Variants in LAMB4 observed in about 807,000 individuals in gnomAD.
The protein encoded by LAMB4 is laminin subunit beta 4.
In LAMB4, 196 loss-of-function variants were observed where a neutral mutation model predicts 199.2. That is an observed-to-expected ratio of 0.98 (90% CI 0.88 to 1.11). The LOEUF (loss-of-function observed/expected upper bound fraction) is 1.11. LAMB4 is among the 50% of genes least tolerant of loss of function. LAMB4 has a pLI of 0.00. For missense variants in LAMB4, 2,080 were observed against 2,171.2 expected (o/e 0.96, Z 0.83); for synonymous variants, 744 against 770.6 (o/e 0.97, Z 0.57).
chr7:108,123,446 A>C (rs1045208003), intron 1 of LAMB4, among the ~76,000 whole-genome samples: 1 of 152,270 alleles, frequency 6.6e-6, no homozygotes, highest in African/African-American at 2.4e-5. Context: ...GGAAACAAAT[A>C]TAATTTCCTT....
At chr7:108,039,522 G>A (rs2035348109) in intron 29 of LAMB4, among the ~76,000 whole-genome samples, 1 of 148,116 alleles carries the variant, frequency 6.8e-6, no homozygotes, top group Admixed American at 6.8e-5. Flanking sequence ...AGGCTGGAGT[G>A]CAGTGGTGCG....
chr7:108,016,347 G>A, the LAMB4 span, among the ~76,000 whole-genome samples: 7 of 141,532 alleles, frequency 4.9e-5, no homozygotes, highest in South Asian at 6.7e-4. Flanking sequence ...GGAGTGCTGC[G>A]ATCTCAGCTT....
chr7:108,062,688 A>G, intron 23 of LAMB4, 86 bp downstream of exon 23: 3 of 767,670 alleles, frequency 3.9e-6, no homozygotes, highest in Non-Finnish European at 5.6e-6. Context: ...AACAGTACAT[A>G]AAAGAAACTT....
the LAMB4 span, among the ~76,000 whole-genome samples, chr7:108,011,965 ATAT>A: frequency 1.3e-5 from 2 of 151,832 alleles, no homozygotes; most frequent in African/African-American, 4.8e-5. Context: ...TCTATAAACA[ATAT>A]AAACACATAT....
chr7:108,114,926 C>A (rs1205523531), intron 3 of LAMB4, among the ~76,000 whole-genome samples: 1 of 152,174 alleles, frequency 6.6e-6, no homozygotes, highest in Non-Finnish European at 1.5e-5. Flanking sequence ...AGGCACAAAA[C>A]TATGTTCACA....
At position 108,024,001 on chromosome 7, in the gene LAMB4, C is replaced by T. The variant is rs1616041; in HGVS notation, c.*38G>A. 0.077 allele frequency: 119,661 copies of T among 1,559,236 alleles called. 14,842 individuals are homozygous for T. Among genetic ancestry groups the T allele is most frequent in the African/African-American group, 0.59 (42,118 of 71,884 alleles). On this transcript the variant is annotated 3_prime_UTR_variant, in exon 34 of 34. Transcript: ENST00000388781. Reference sequence around the variant, plus strand: ...CCCCAGGGGCTTGTACATCAGAAACCAGAAACAAAGGCACAAGCTTTTGCT... The same window carrying T: ...CCCCAGGGGCTTGTACATCAGAAACTAGAAACAAAGGCACAAGCTTTTGCT...
Position 108,107,665 on chromosome 7 carries a change from T to C in LAMB4, c.557A>G (p.Lys186Arg), listed in dbSNP as rs1024387476. The change falls in exon 6 of 34, where the codon AAA becomes AGA. Residue 186 changes from lysine to arginine, a missense_variant. Lys to Arg is a conservative substitution (Grantham distance 26). Transcript: ENST00000388781. ...TGTTGAGGGTTCAATATCCGAGTAT[T>C]TGGAGTCACAAACAATGTCTCCCAC... Reference protein sequence around the residue: ...QGVGDIVCDSKYSDIEPSTGG... With the variant: ...QGVGDIVCDSRYSDIEPSTGG... The C allele has an allele frequency of 1.1e-5, 18 of 1,611,750 alleles. No homozygotes were observed. The African/African-American group carries it at 2.0e-4, about 18-fold the overall frequency.
chr7:108,086,362 A>G (rs1030482105), intron 14 of LAMB4, among the ~76,000 whole-genome samples: 1 of 152,122 alleles, frequency 6.6e-6, no homozygotes, highest in Admixed American at 6.5e-5. Flanking sequence ...CATTCCCTCA[A>G]TAAAACACAT....
chr7:108,129,726 G>A (rs901081133), intron 1 of LAMB4, among the ~76,000 whole-genome samples: 13 of 151,876 alleles, frequency 8.6e-5, no homozygotes, highest in South Asian at 2.1e-4. Context: ...ATGGGGTTTC[G>A]CCATGTTGCT....
chr7:108,043,333 A>G (rs1317509318), intron 29 of LAMB4, among the ~76,000 whole-genome samples: 1 of 152,124 alleles, frequency 6.6e-6, no homozygotes, highest in African/African-American at 2.4e-5. Context: ...AAAACATAAA[A>G]TAACTTTAAA....
chr7:108,125,563 C>T (rs910233670), intron 1 of LAMB4, among the ~76,000 whole-genome samples: 1 of 152,108 alleles, frequency 6.6e-6, no homozygotes, highest in African/African-American at 2.4e-5. Context: ...GGGTAAAGTG[C>T]TACATAGGAT....
chr7:108,022,282 T>C (rs567698792), downstream of LAMB4, among the ~76,000 whole-genome samples: 5 of 152,368 alleles, frequency 3.3e-5, no homozygotes, highest in South Asian at 1.0e-3. Flanking sequence ...AATTGGTTTA[T>C]TGTTAGTTAC....
At chr7:108,035,993 G>T (rs2035215839) in intron 30 of LAMB4, among the ~76,000 whole-genome samples, 1 of 151,744 alleles carries the variant, frequency 6.6e-6, no homozygotes, top group Non-Finnish European at 1.5e-5. Flanking sequence ...CGAGTAGCTG[G>T]GATTACAGGT....
intron 14 of LAMB4, among the ~76,000 whole-genome samples, chr7:108,089,003 C>T (rs1410289635): frequency 6.6e-6 from 1 of 152,136 alleles, no homozygotes; most frequent in East Asian, 1.9e-4. Flanking sequence ...GAATACAGGC[C>T]ATACAGGGGT....
rs1370352395 is a variant in LAMB4 at position 108,123,111 on chromosome 7, T to C, written c.34+20A>G. On this transcript the variant is annotated intron_variant, in intron 2 of 33. Coordinates refer to ENST00000388781, the MANE Select transcript of LAMB4 (RefSeq NM_007356.3). ...TAGGACAGCGCAAGCAGTAAATAGATTTTGACAACAAATACTCACCAAGGT... is the reference window on the plus strand; with the variant it reads ...TAGGACAGCGCAAGCAGTAAATAGACTTTGACAACAAATACTCACCAAGGT... 2 of 1,599,644 alleles carry C rather than the reference T, an allele frequency of 1.3e-6. No individual in the cohort carries two copies. Among genetic ancestry groups the C allele is most frequent in the African/African-American group, 2.7e-5 (2 of 74,198 alleles).
At chr7:108,042,723 A>G (rs1179848604) in intron 29 of LAMB4, among the ~76,000 whole-genome samples, 10 of 152,296 alleles carry the variant, frequency 6.6e-5, no homozygotes, top group African/African-American at 2.4e-4. Context: ...ATATTGAGAC[A>G]GGAAAAACAA....
At chr7:108,064,529 C>T (rs1389087665) in intron 21 of LAMB4, among the ~76,000 whole-genome samples, 1 of 152,242 alleles carries the variant, frequency 6.6e-6, no homozygotes, top group Non-Finnish European at 1.5e-5. Context: ...CTCTCTAACA[C>T]TCTTTACCCT....
downstream of LAMB4, among the ~76,000 whole-genome samples, chr7:108,020,361 C>G (rs996079265): frequency 3.6e-4 from 54 of 151,026 alleles, no homozygotes; most frequent in African/African-American, 1.2e-3. Context: ...ATCCCAGCTA[C>G]TCGGGAGGGT....
chr7:108,103,205 C>A lies in LAMB4; in HGVS notation c.1019G>T (p.Arg340Leu). ...RSCSCNSHSS[R>L]CHFDMTTYLA... Reference sequence around the variant, plus strand: ...GTACGTAGTCATGTCAAAGTGACAGCGGCTGGAGTGGCTATTACAGCTGCA... The same window carrying A: ...GTACGTAGTCATGTCAAAGTGACAGAGGCTGGAGTGGCTATTACAGCTGCA... The change falls in exon 10 of 34, where the codon CGC (arginine) becomes CTC (leucine). Residue 340 changes from arginine (R) to leucine (L), a missense_variant. Coordinates refer to ENST00000388781, the MANE Select transcript of LAMB4 (RefSeq NM_007356.3). The A allele has an allele frequency of 1.3e-6, 2 of 1,576,728 alleles. No individual in the cohort carries two copies. Among genetic ancestry groups the A allele is most frequent in the Non-Finnish European group, 1.7e-6 (2 of 1,160,354 alleles).
Sources: gnomAD v4.1 joint callset for allele counts (sites outside exome capture counted in the v4.1 genomes callset) on GRCh38, gnomAD v4.1.1 for gene constraint, MANE v1.5 for transcripts, NCBI Gene and HGNC (gene_info 2026-07-23, HGNC 2026-07-21) for gene names.